ADRA2A: variants seen among roughly 807,000 people sequenced by gnomAD.
ADRA2A encodes adrenoceptor alpha 2A.
ADRA2A carries 6 observed loss-of-function variants against 5.9 expected under a neutral mutation model. That is an observed-to-expected ratio of 1.01 (90% CI 0.55 to 2.00). ADRA2A has a LOEUF of 2.00. ADRA2A is among the 30% of genes most tolerant of loss of function. ADRA2A has a pLI of 0.00. For missense variants in ADRA2A, 647 were observed against 690.0 expected (o/e 0.94, Z 0.70); for synonymous variants, 345 against 325.9 (o/e 1.06, Z -0.63).
chr10:111,077,934 A>T lies in ADRA2A; in HGVS notation c.-63A>T. ...AGCGGGGCGCCGGAGGAAGAGGAGG[A>T]CCCACGGGCGCCGGGCCGGAAGGCA... On this transcript the variant is annotated 5_prime_UTR_variant, in exon 1 of 1. Transcript: ENST00000280155. 3 of 1,338,930 alleles carry T rather than the reference A, an allele frequency of 2.2e-6. No homozygotes were observed. The highest frequency in any genetic ancestry group is 3.1e-5 in the African/African-American group (2 of 64,848). 82.9% of individuals were successfully genotyped at this position (1,338,930 alleles called of 1,614,324 possible).
Position 111,079,187 on chromosome 10 carries a change from G to A in ADRA2A, c.1191G>A (p.Val397=). ...TCGTGCTGGCCGTGGTCATCGGAGT[G>A]TTCGTGGTGTGCTGGTTCCCCTTCT... is the stretch of plus-strand genomic sequence containing the variant. The part of the protein sequence containing the change: ...FTFVLAVVIG[V]FVVCWFPFFF... The change falls in exon 1 of 1, where the codon GTG becomes GTA. Residue 397 remains valine, a synonymous_variant. Coordinates refer to ENST00000280155, the MANE Select transcript of ADRA2A (RefSeq NM_000681.4). 1 of 1,614,000 alleles carries A rather than the reference G, an allele frequency of 6.2e-7. No individual in the cohort carries two copies. The highest frequency in any genetic ancestry group is 8.5e-7 in the Non-Finnish European group (1 of 1,180,000).
chr10:111,079,411 C>G lies in ADRA2A; in HGVS notation c.*17C>G. ...ATCGTGTGAGGTTTCCGCTGGCGCC[C>G]GCGTAGACTCACGCTGACTGCAGGC... On this transcript the variant is annotated 3_prime_UTR_variant, in exon 1 of 1. Transcript: ENST00000280155. The G allele has an allele frequency of 1.2e-6, 2 of 1,612,484 alleles. No homozygotes were observed. The highest frequency in any genetic ancestry group is 1.7e-6 in the Non-Finnish European group (2 of 1,179,242).
In ADRA2A at chr10:111,078,474, C is replaced by A; in HGVS notation, c.478C>A (p.Arg160Ser). 1 of 1,613,486 alleles carries A rather than the reference C, an allele frequency of 6.2e-7. No homozygotes were observed. The highest frequency in any genetic ancestry group is 8.5e-7 in the Non-Finnish European group (1 of 1,179,970). ...ACAGGCCATCGAGTACAACCTGAAG[C>A]GCACGCCGCGCCGCATCAAGGCCAT... The part of the protein sequence containing the change: ...ITQAIEYNLK[R>S]TPRRIKAIII... The change falls in exon 1 of 1, where the codon CGC becomes AGC. Residue 160 changes from arginine (R) to serine (S), a missense_variant. Arg to Ser is a moderately radical substitution (Grantham distance 110). Coordinates refer to ENST00000280155, the MANE Select transcript of ADRA2A (RefSeq NM_000681.4).
Position 111,079,559 on chromosome 10 carries a change from C to G in ADRA2A, c.*165C>G. ...TGCGGGCGGGCGTCTGCTGCTCCTA[C>G]AAGGGAAGCTTCTTGCTGCCAGGCC... is the stretch of plus-strand genomic sequence containing the variant. On this transcript the variant is annotated 3_prime_UTR_variant, in exon 1 of 1. Coordinates refer to ENST00000280155, the MANE Select transcript of ADRA2A (RefSeq NM_000681.4). The G allele has an allele frequency of 1.4e-6, 1 of 715,912 alleles. No individual in the cohort carries two copies. The highest frequency in any genetic ancestry group is 2.7e-5 in the East Asian group (1 of 36,900). 44.3% of individuals were successfully genotyped at this position (715,912 alleles called of 1,614,324 possible).
chr10:111,079,221 T>G lies in ADRA2A; in HGVS notation c.1225T>G (p.Tyr409Asp). 4 of 1,614,094 alleles carry G rather than the reference T, an allele frequency of 2.5e-6. No homozygotes were observed. The highest frequency in any genetic ancestry group is 3.4e-6 in the Non-Finnish European group (4 of 1,180,006). The change falls in exon 1 of 1, where the codon TAC (tyrosine) becomes GAC (aspartate). Residue 409 changes from tyrosine (Y) to aspartate (D), a missense_variant. Transcript: ENST00000280155. ...VVCWFPFFFT[Y>D]TLTAVGCSVP... ...GTGCTGGTTCCCCTTCTTCTTCACC[T>G]ACACGCTCACGGCCGTCGGGTGCTC...
At position 111,078,634 on chromosome 10, in the gene ADRA2A, T is replaced by C; in HGVS notation, c.638T>C (p.Ile213Thr). Residue 213 changes from isoleucine (I) to threonine (T), a missense_variant, in exon 1 of 1, where the codon ATC becomes ACC. Ile to Thr is a moderately conservative substitution (Grantham distance 89, BLOSUM62 -1). Transcript: ENST00000280155. ...CEINDQKWYV[I>T]SSCIGSFFAP... ...ATCAACGACCAGAAGTGGTACGTCA[T>C]CTCGTCGTGCATCGGCTCCTTCTTC... The C allele has an allele frequency of 6.3e-7, 1 of 1,591,018 alleles. No individual in the cohort carries two copies. The highest frequency in any genetic ancestry group is 1.1e-5 in the South Asian group (1 of 88,620).
chr10:111,079,182 G>A lies in ADRA2A; in HGVS notation c.1186G>A (p.Gly396Arg), dbSNP rs768559743. 1 of 1,613,910 alleles carries A rather than the reference G, an allele frequency of 6.2e-7. No individual in the cohort carries two copies. Among genetic ancestry groups the A allele is most frequent in the Non-Finnish European group, 8.5e-7 (1 of 1,179,964 alleles). Residue 396 changes from glycine to arginine, a missense_variant, in exon 1 of 1, where the codon GGA becomes AGA. This residue lies in a region of ADRA2A where 577 missense variants were observed against 605.4 expected (regional missense o/e 0.95). Coordinates refer to ENST00000280155, the MANE Select transcript of ADRA2A (RefSeq NM_000681.4). ...CACGTTCGTGCTGGCCGTGGTCATC[G>A]GAGTGTTCGTGGTGTGCTGGTTCCC... ...RFTFVLAVVI[G>R]VFVVCWFPFF...
Position 111,078,791 on chromosome 10 carries a change from C to T in ADRA2A, c.795C>T (p.Pro265=), listed in dbSNP as rs1293027895. The part of the protein sequence containing the change: ...AAPPGGTERR[P]NGLGPERSAG... ...CGCCGGGGGGCACCGAGCGCAGGCC[C>T]AACGGTCTGGGCCCCGAGCGCAGCG... Residue 265 remains proline, a synonymous_variant, in exon 1 of 1, where the codon CCC becomes CCT. Coordinates refer to ENST00000280155, the MANE Select transcript of ADRA2A (RefSeq NM_000681.4). 5 of 1,384,526 alleles carry T rather than the reference C, an allele frequency of 3.6e-6. No individual in the cohort carries two copies. The highest frequency in any genetic ancestry group is 2.8e-6 in the Non-Finnish European group (3 of 1,073,756). The allele number at this position is 1,384,526 out of a possible 1,614,324, so 85.8% of individuals were successfully genotyped here.
Position 111,079,361 on chromosome 10 carries a change from C to T in ADRA2A, c.1365C>T (p.Ile455=). ...ATTTCCGCCGCGCCTTCAAGAAGAT[C>T]CTCTGTCGGGGGGACAGGAAGCGGA... ...NHDFRRAFKK[I]LCRGDRKRIV Residue 455 remains isoleucine (I), a synonymous_variant, in exon 1 of 1, where the codon ATC becomes ATT. Coordinates refer to ENST00000280155, the MANE Select transcript of ADRA2A (RefSeq NM_000681.4). The T allele has an allele frequency of 1.2e-6, 2 of 1,614,104 alleles. No individual in the cohort carries two copies. Among genetic ancestry groups the T allele is most frequent in the Admixed American group, 1.7e-5 (1 of 60,034 alleles).
chr10:111,077,789 GA>G lies in ADRA2A; in HGVS notation c.-207del. On this transcript the variant is annotated 5_prime_UTR_variant, in exon 1 of 1. Coordinates refer to ENST00000280155, the MANE Select transcript of ADRA2A (RefSeq NM_000681.4). ...CTCGGAGCAAGAAGGCGCCCACCGA[GA>G]GCGTCTGAAGCGCGAGCCAGGCGCA... 1 of 610,958 alleles carries G rather than the reference GA, an allele frequency of 1.6e-6. No individual in the cohort carries two copies. Among genetic ancestry groups the G allele is most frequent in the Non-Finnish European group, 2.4e-6 (1 of 423,290 alleles). The allele number at this position is 610,958 out of a possible 1,614,324, so 37.8% of individuals were successfully genotyped here.
In ADRA2A at chr10:111,078,182, C is replaced by G. The variant is rs2134208252; in HGVS notation, c.186C>G (p.Thr62=). The G allele has an allele frequency of 1.2e-6, 2 of 1,612,264 alleles. No individual in the cohort carries two copies. Among genetic ancestry groups the G allele is most frequent in the Non-Finnish European group, 8.5e-7 (1 of 1,179,712 alleles). ...VCLAGLLMLL[T]VFGNVLVIIA... is the part of the protein sequence containing the mutation. ...TGGCCGGCCTGCTCATGCTGCTCAC[C>G]GTGTTCGGCAACGTGCTCGTCATCA... Residue 62 remains threonine, a synonymous_variant, in exon 1 of 1, where the codon ACC becomes ACG. Coordinates refer to ENST00000280155, the MANE Select transcript of ADRA2A (RefSeq NM_000681.4).
Position 111,077,780 on chromosome 10 carries a change from G to A in ADRA2A, c.-217G>A, listed in dbSNP as rs1800545. ...TATTAGGAGCTCGGAGCAAGAAGGCGCCCACCGAGAGCGTCTGAAGCGCGA... is the reference window on the plus strand; with the variant it reads ...TATTAGGAGCTCGGAGCAAGAAGGCACCCACCGAGAGCGTCTGAAGCGCGA... On this transcript the variant is annotated 5_prime_UTR_variant, in exon 1 of 1. Transcript: ENST00000280155. The A allele has an allele frequency of 0.15, 73,009 of 498,550 alleles. 6,208 individuals are homozygous for A. The highest frequency in any genetic ancestry group is 0.29 in the African/African-American group (14,770 of 50,230). The allele number at this position is 498,550 out of a possible 1,614,324, so 30.9% of individuals were successfully genotyped here.
Position 111,078,094 on chromosome 10 carries a change from C to T in ADRA2A, c.98C>T (p.Ala33Val), listed in dbSNP as rs1451568699. Residue 33 changes from alanine (A) to valine (V), a missense_variant, in exon 1 of 1, where the codon GCG (alanine) becomes GTG (valine). Ala to Val is a moderately conservative substitution (Grantham distance 64, BLOSUM62 0). Transcript: ENST00000280155. ...AGNASWNGTE[A>V]PGGGARATPY... is the part of the protein sequence containing the mutation. ...AACGCGAGCTGGAACGGGACCGAGG[C>T]GCCGGGGGGCGGCGCCCGGGCCACC... The T allele has an allele frequency of 6.4e-7, 1 of 1,564,478 alleles. No individual in the cohort carries two copies.
In ADRA2A at chr10:111,078,188, C is replaced by T. The variant is rs938537784; in HGVS notation, c.192C>T (p.Phe64=). 1 of 1,612,454 alleles carries T rather than the reference C, an allele frequency of 6.2e-7. No homozygotes were observed. Among genetic ancestry groups the T allele is most frequent in the Non-Finnish European group, 8.5e-7 (1 of 1,179,754 alleles). Residue 64 remains phenylalanine (F), a synonymous_variant, in exon 1 of 1, where the codon TTC becomes TTT. Coordinates refer to ENST00000280155, the MANE Select transcript of ADRA2A (RefSeq NM_000681.4). ...LAGLLMLLTV[F]GNVLVIIAVF... ...GCCTGCTCATGCTGCTCACCGTGTT[C>T]GGCAACGTGCTCGTCATCATCGCCG...
At position 111,079,621 on chromosome 10, in the gene ADRA2A, C is replaced by G. The variant is rs1364660794; in HGVS notation, c.*227C>G. ...AGTTGTTGGTTTGGCCACTCTTGAC[C>G]TGGAGCCATCTTCCTAGTGGGCCAC... is the stretch of plus-strand genomic sequence containing the variant. On this transcript the variant is annotated 3_prime_UTR_variant, in exon 1 of 1. Coordinates refer to ENST00000280155, the MANE Select transcript of ADRA2A (RefSeq NM_000681.4). 1 of 611,792 alleles carries G rather than the reference C, an allele frequency of 1.6e-6. No homozygotes were observed. The highest frequency in any genetic ancestry group is 3.0e-6 in the Non-Finnish European group (1 of 336,996). 37.9% of individuals were successfully genotyped at this position (611,792 alleles called of 1,614,324 possible).
chr10:111,078,690 G>A lies in ADRA2A; in HGVS notation c.694G>A (p.Val232Met), dbSNP rs1283608041. 2.5e-6 allele frequency: 4 copies of A among 1,571,142 alleles called. No individual in the cohort carries two copies. The highest frequency in any genetic ancestry group is 1.2e-5 in the South Asian group (1 of 85,436). Residue 232 changes from valine to methionine, a missense_variant, in exon 1 of 1, where the codon GTG (valine) becomes ATG (methionine). Val to Met is a conservative substitution (Grantham distance 21, BLOSUM62 1). This residue lies in a region of ADRA2A where 577 missense variants were observed against 605.4 expected (regional missense o/e 0.95). Transcript: ENST00000280155. ...CTGCCTCATCATGATCCTGGTCTAC[G>A]TGCGCATCTACCAGATCGCCAAGCG... ...APCLIMILVY[V>M]RIYQIAKRRT... is the part of the protein sequence containing the mutation.
Position 111,078,761 on chromosome 10 carries a change from C to T in ADRA2A, c.765C>T (p.Ala255=), listed in dbSNP as rs1843564266. The T allele has an allele frequency of 5.6e-6, 8 of 1,430,310 alleles. No homozygotes were observed. Among genetic ancestry groups the T allele is most frequent in the Non-Finnish European group, 7.3e-6 (8 of 1,096,420 alleles). The allele number at this position is 1,430,310 out of a possible 1,614,324, so 88.6% of individuals were successfully genotyped here. ...GCCGCCGGGGTCCGGACGCCGTCGCCGCGCCGCCGGGGGGCACCGAGCGCA... is the reference window on the plus strand; with the variant it reads ...GCCGCCGGGGTCCGGACGCCGTCGCTGCGCCGCCGGGGGGCACCGAGCGCA... ...PPSRRGPDAV[A]APPGGTERRP... The change falls in exon 1 of 1, where the codon GCC becomes GCT. Residue 255 remains alanine (A), a synonymous_variant. Transcript: ENST00000280155.
chr10:111,078,225 C>T lies in ADRA2A; in HGVS notation c.229C>T (p.Arg77Cys). The T allele has an allele frequency of 1.9e-6, 3 of 1,613,600 alleles. No homozygotes were observed. Among genetic ancestry groups the T allele is most frequent in the South Asian group, 1.1e-5 (1 of 91,066 alleles). The change falls in exon 1 of 1, where the codon CGC becomes TGC. Residue 77 changes from arginine (R) to cysteine (C), a missense_variant. By Grantham distance (180) the Arg-to-Cys change is radical (BLOSUM62 -3). Transcript: ENST00000280155. ...VLVIIAVFTS[R>C]ALKAPQNLFL... ...CGTCATCATCGCCGTGTTCACGAGC[C>T]GCGCGCTCAAGGCGCCCCAAAACCT...
At position 111,078,364 on chromosome 10, in the gene ADRA2A, T is replaced by C. The variant is rs374866490; in HGVS notation, c.368T>C (p.Ile123Thr). The change falls in exon 1 of 1, where the codon ATC (isoleucine) becomes ACC (threonine). Residue 123 changes from isoleucine (I) to threonine (T), a missense_variant. Transcript: ENST00000280155. ...TACTTCGGCAAGGCTTGGTGCGAGA[T>C]CTACCTGGCGCTCGACGTGCTCTTC... is the stretch of plus-strand genomic sequence containing the variant. ...YWYFGKAWCE[I>T]YLALDVLFCT... The C allele has an allele frequency of 6.2e-7, 1 of 1,613,974 alleles. No individual in the cohort carries two copies. Among genetic ancestry groups the C allele is most frequent in the Non-Finnish European group, 8.5e-7 (1 of 1,179,988 alleles).
Sources: gnomAD v4.1 joint callset for allele counts on GRCh38, gnomAD v4.1.1 for gene constraint, gnomAD v4.1.1 regional missense constraint, MANE v1.5 for transcripts, NCBI Gene and HGNC (gene_info 2026-07-23, HGNC 2026-07-21) for gene names.